HAUS2: variants seen among roughly 807,000 people sequenced by gnomAD.
HAUS2 encodes the protein HAUS augmin-like complex subunit 2.
HAUS2 carries 20 observed loss-of-function variants against 21.6 expected under a neutral mutation model. The observed-to-expected ratio is 0.93, with a 90% confidence interval of 0.65 to 1.35. The LOEUF is 1.35. HAUS2 is among the 40% of genes most tolerant of loss of function. The pLI is 0.00. For synonymous variants in HAUS2, 113 were observed against 95.6 expected (o/e 1.18, Z -1.06); for missense variants, 297 against 280.7 (o/e 1.06, Z -0.42).
At position 42,569,940 on chromosome 15, in the gene HAUS2, TTTCTA is replaced by T. The variant is rs1170060399; in HGVS notation, c.*3127_*3131del. 6.6e-6 allele frequency: 1 copy of T among 152,220 alleles called. No homozygotes were observed. The highest frequency in any genetic ancestry group is 1.5e-5 in the Non-Finnish European group (1 of 68,044). 9.4% of individuals were successfully genotyped at this position (152,220 alleles called of 1,614,324 possible). On this transcript the variant is annotated 3_prime_UTR_variant, in exon 6 of 6. Coordinates refer to ENST00000260372, the MANE Select transcript of HAUS2 (RefSeq NM_018097.3). Reference sequence around the variant, plus strand: ...GATATGCCTGGTTGTTTATTTTTGTTTTCTATTATGCCTTTTTCAAAATATAAAAA... The same window carrying T: ...GATATGCCTGGTTGTTTATTTTTGTTTTATGCCTTTTTCAAAATATAAAAA...
At chr15:42,561,040 GT>G (rs1321830798) in intron 3 of HAUS2, among the ~76,000 whole-genome samples, 2 of 152,098 alleles carry the variant, frequency 1.3e-5, no homozygotes, top group African/African-American at 4.8e-5. Flanking sequence ...ACTAGATTTG[GT>G]TATCACTAGG....
chr15:42,551,927 A>G (rs2057729842), intron 1 of HAUS2, among the ~76,000 whole-genome samples: 1 of 152,180 alleles, frequency 6.6e-6, no homozygotes, highest in African/African-American at 2.4e-5. Context: ...CTTACTACAC[A>G]GCTAGTCCCA....
intron 1 of HAUS2, among the ~76,000 whole-genome samples, chr15:42,553,961 C>T (rs9788685): frequency 6.6e-6 from 1 of 152,198 alleles, no homozygotes; most frequent in African/African-American, 2.4e-5. Context: ...GTAATACTTT[C>T]CTGTTCCTCA....
rs1293702264 is a variant in HAUS2 at position 42,548,857 on chromosome 15, A to T, written c.-16A>T. ...CCGCTCACTCTTGGCGCCTTCGCGGAAGGTGCGTCCGAGCCATGGCCGCTG... is the reference window on the plus strand; with the variant it reads ...CCGCTCACTCTTGGCGCCTTCGCGGTAGGTGCGTCCGAGCCATGGCCGCTG... On this transcript the variant is annotated 5_prime_UTR_variant, in exon 1 of 6. Transcript: ENST00000260372. 5 of 1,541,866 alleles carry T rather than the reference A, an allele frequency of 3.2e-6. No individual in the cohort carries two copies. Among genetic ancestry groups the T allele is most frequent in the Non-Finnish European group, 4.4e-6 (5 of 1,141,094 alleles).
rs139933934 is a variant in HAUS2 at position 42,565,387 on chromosome 15, ATGTGTGTGTGTGTGTGTG to A, written c.499-1192_499-1175del. Among the ~76,000 whole-genome samples the A allele has an allele frequency of 2.2e-4, 30 of 136,488 alleles. 1 individual carries two copies. Among genetic ancestry groups the A allele is most frequent in the South Asian group, 2.0e-3 (8 of 3,968 alleles). The allele number at this position is 136,488 out of a possible 152,430, so 89.5% of individuals were successfully genotyped here. On this transcript the variant is annotated intron_variant, in intron 5 of 5. Coordinates refer to ENST00000260372, the MANE Select transcript of HAUS2 (RefSeq NM_018097.3). ...TGTCTGAGTATTGGGGAGCCATTGA[ATGTGTGTGTGTGTGTGTG>A]TGTGTGTGTGTGTGTGTGTGTGTGT...
chr15:42,548,987 G>A (rs377359457), intron 1 of HAUS2, 22 bp downstream of exon 1: 48 of 1,454,416 alleles, frequency 3.3e-5, no homozygotes, highest in Non-Finnish European at 4.3e-5. Context: ...TGGCGGTGGT[G>A]TCATCAAGGG....
intron 3 of HAUS2, 130 bp from the exon 4 acceptor site, chr15:42,561,140 C>T: frequency 1.7e-6 from 1 of 600,948 alleles, no homozygotes; most frequent in South Asian, 2.2e-5. Flanking sequence ...TTAAAGACAG[C>T]AAAAAGGAGA....
intron 5 of HAUS2, among the ~76,000 whole-genome samples, chr15:42,564,793 A>G (rs1489490176): frequency 6.6e-6 from 1 of 152,222 alleles, no homozygotes; most frequent in Non-Finnish European, 1.5e-5. Context: ...CCAGCTTTGC[A>G]ATAAAGATTT....
intron 3 of HAUS2, chr15:42,560,921 A>G: frequency 1.5e-6 from 1 of 678,488 alleles, no homozygotes; most frequent in Non-Finnish European, 2.7e-6. Context: ...GGTCTTTTAT[A>G]GACTATTAGA....
intron 3 of HAUS2, among the ~76,000 whole-genome samples, chr15:42,560,386 TAG>T (rs146328893): frequency 2.2e-3 from 323 of 144,224 alleles, no homozygotes; most frequent in Non-Finnish European, 2.6e-3. Context: ...CAGCAAAAAT[TAG>T]AGAGAGAGAG....
At chr15:42,549,661 G>C (rs775295240) in intron 1 of HAUS2, among the ~76,000 whole-genome samples, 1 of 150,652 alleles carries the variant, frequency 6.6e-6, no homozygotes, top group Non-Finnish European at 1.5e-5. Context: ...TTGTAAGCCA[G>C]GATGGTCCCG....
chr15:42,566,914 C>G lies in HAUS2; in HGVS notation c.*98C>G, dbSNP rs2057912775. ...TTAATAGTCTTTGCTGCTGGTAATA[C>G]TGAAAGAACCTGCTTTATATTGGAG... On this transcript the variant is annotated 3_prime_UTR_variant, in exon 6 of 6. Coordinates refer to ENST00000260372, the MANE Select transcript of HAUS2 (RefSeq NM_018097.3). 4 of 625,826 alleles carry G rather than the reference C, an allele frequency of 6.4e-6. No individual in the cohort carries two copies. Among genetic ancestry groups the G allele is most frequent in the Non-Finnish European group, 1.1e-5 (4 of 351,890 alleles). The allele number at this position is 625,826 out of a possible 1,614,324, so 38.8% of individuals were successfully genotyped here. A position where few individuals can be genotyped will look rare whatever the true frequency, so the allele number is the denominator to read the frequency against.
chr15:42,550,494 A>T (rs1340295921), intron 1 of HAUS2, among the ~76,000 whole-genome samples: 1 of 152,184 alleles, frequency 6.6e-6, no homozygotes, highest in Non-Finnish European at 1.5e-5. Context: ...GACACATTGT[A>T]TCCCCTCTCA....
intron 3 of HAUS2, chr15:42,560,778 G>A (rs1299308113): frequency 1.4e-6 from 1 of 701,278 alleles, no homozygotes; most frequent in African/African-American, 1.7e-5. Context: ...CAATTTTTTT[G>A]TAGAGATGAA....
chr15:42,552,834 G>C lies in HAUS2; in HGVS notation c.93+3869G>C, dbSNP rs546560034. Reference sequence around the variant, plus strand: ...TCTATACCTCTTCTCCCATTTGAGAGCCTCTGCTCTTAAATTCTCTGCTAT... The same window carrying C: ...TCTATACCTCTTCTCCCATTTGAGACCCTCTGCTCTTAAATTCTCTGCTAT... On this transcript the variant is annotated intron_variant, in intron 1 of 5. Transcript: ENST00000260372. 7.9e-5 allele frequency among the ~76,000 whole-genome samples: 12 copies of C among 152,174 alleles called. No homozygotes were observed. In the East Asian group the frequency reaches 2.3e-3, roughly 29 times the overall value.
At chr15:42,565,274 T>C (rs2057894994) in intron 5 of HAUS2, among the ~76,000 whole-genome samples, 1 of 152,186 alleles carries the variant, frequency 6.6e-6, no homozygotes, top group African/African-American at 2.4e-5. Context: ...TACTCCACTT[T>C]GGCTGATGCG....
chr15:42,551,554 T>C (rs2057725730), intron 1 of HAUS2, among the ~76,000 whole-genome samples: 5 of 151,834 alleles, frequency 3.3e-5, no homozygotes, highest in African/African-American at 1.2e-4. Flanking sequence ...GACATGAGAA[T>C]CGCTTGAGCC....
chr15:42,562,014 A>C, intron 4 of HAUS2, among the ~76,000 whole-genome samples: 1 of 145,372 alleles, frequency 6.9e-6, no homozygotes, highest in East Asian at 2.0e-4. Flanking sequence ...CTGTTTCTAC[A>C]AAAAAAAAAA....
At chr15:42,552,960 A>G (rs1395941194) in intron 1 of HAUS2, among the ~76,000 whole-genome samples, 1 of 151,682 alleles carries the variant, frequency 6.6e-6, no homozygotes, top group African/African-American at 2.4e-5. Context: ...TTATACATAC[A>G]TATATGGTAT....
Sources: gnomAD v4.1 joint callset for allele counts (sites outside exome capture counted in the v4.1 genomes callset) on GRCh38, gnomAD v4.1.1 for gene constraint, MANE v1.5 for transcripts, NCBI Gene and HGNC (gene_info 2026-07-23, HGNC 2026-07-21) for gene names.